Variants in THADA observed in about 807,000 individuals in gnomAD.
THADA encodes the protein THADA armadillo repeat containing.
THADA carries 213 observed loss-of-function variants against 219.8 expected under a neutral mutation model. The observed-to-expected ratio is 0.97, with a 90% CI of 0.87 to 1.09. The LOEUF is 1.09. Ranked by LOEUF, THADA falls within the 50% of genes least tolerant of loss-of-function variation. The pLI is 0.00. For synonymous variants in THADA, 1,018 were observed against 828.9 expected (o/e 1.23, Z -3.92); for missense variants, 2,956 against 2,311.3 (o/e 1.28, Z -5.72).
chr2:43,299,870 T>C (rs993842322), intron 31 of THADA, among the ~76,000 whole-genome samples: 8 of 134 alleles, frequency 0.06, no homozygotes, highest in Non-Finnish European at 0.11. Flanking sequence ...CTACTAAAAA[T>C]ACAAAAAATT....
intron 29 of THADA, among the ~76,000 whole-genome samples, chr2:43,370,946 C>A (rs924595755): frequency 2.0e-5 from 3 of 152,146 alleles, no homozygotes; most frequent in African/African-American, 7.2e-5. Flanking sequence ...TATTTAATTG[C>A]CAGCACTCAG....
At chr2:43,337,217 A>G (rs1666557381) in intron 30 of THADA, among the ~76,000 whole-genome samples, 2 of 152,326 alleles carry the variant, frequency 1.3e-5, no homozygotes, top group South Asian at 4.1e-4. Context: ...GACCCCTTTT[A>G]AAGAAGACAA....
At chr2:43,586,341 G>C in intron 7 of THADA, 60 bp downstream of exon 7, 1 of 1,354,354 alleles carries the variant, frequency 7.4e-7, no homozygotes, top group Non-Finnish European at 1.0e-6. Flanking sequence ...ATTTTTCTTT[G>C]TACAAAGATA....
chr2:43,391,878 C>G (rs1394310398), intron 29 of THADA: 3 of 152,318 alleles, frequency 2.0e-5, no homozygotes, highest in Non-Finnish European at 2.9e-5. Flanking sequence ...TAAGATTTTT[C>G]TCCTTTCACA....
intron 19 of THADA, among the ~76,000 whole-genome samples, chr2:43,549,650 T>A (rs192942648): frequency 1.2e-4 from 18 of 152,306 alleles, no homozygotes; most frequent in Admixed American, 1.1e-3. Context: ...ACTGCTTTTC[T>A]TAGTGTTGTC....
chr2:43,249,450 C>T (rs1234122470), intron 36 of THADA, among the ~76,000 whole-genome samples: 1 of 152,192 alleles, frequency 6.6e-6, no homozygotes, highest in Admixed American at 6.5e-5. Flanking sequence ...AAGCTTTCCC[C>T]TTCCCTGTGG....
intron 29 of THADA, among the ~76,000 whole-genome samples, chr2:43,363,815 C>A (rs1301644900): frequency 6.6e-6 from 1 of 152,182 alleles, no homozygotes; most frequent in Non-Finnish European, 1.5e-5. Context: ...AAGCCAGCCA[C>A]TCGGGAGGCT....
intron 29 of THADA, among the ~76,000 whole-genome samples, chr2:43,352,513 G>A (rs1048718636): frequency 2.6e-5 from 4 of 151,790 alleles, no homozygotes; most frequent in African/African-American, 7.3e-5. Context: ...AGCAGAGATC[G>A]CGCCACTGCA....
Position 43,432,620 on chromosome 2 carries a change from AT to A in THADA, c.3837-2319del, listed in dbSNP as rs1483044849. 5.9e-5 allele frequency among the ~76,000 whole-genome samples: 9 copies of A among 152,004 alleles called. No individual in the cohort carries two copies. The East Asian group carries it at 1.7e-3, about 29-fold the overall frequency. ...GACAGTTTCCTGAAATAATTATACC[AT>A]TTTACACTCCCAACAGTAAGGTAGA... On this transcript the variant is annotated intron_variant, in intron 26 of 37. Coordinates refer to ENST00000405975, the MANE Select transcript of THADA (RefSeq NM_022065.5).
intron 7 of THADA, among the ~76,000 whole-genome samples, chr2:43,582,748 A>G (rs980476153): frequency 4.0e-5 from 6 of 151,740 alleles, no homozygotes; most frequent in Admixed American, 2.6e-4. Context: ...TTATATTTTT[A>G]GTAGAGACAG....
chr2:43,323,529 C>G (rs1678990596), intron 30 of THADA, among the ~76,000 whole-genome samples: 2 of 152,172 alleles, frequency 1.3e-5, no homozygotes, highest in Non-Finnish European at 2.9e-5. Context: ...GAGACTGCCC[C>G]CTGCTAAAGC....
intron 1 of THADA, 70 bp from the exon 2 acceptor site, chr2:43,592,486 G>A (rs1016759953): frequency 7.5e-6 from 7 of 932,960 alleles, no homozygotes; most frequent in African/African-American, 3.3e-5. Context: ...TTTTGGCTGG[G>A]TTCATTCTTT....
chr2:43,500,375 G>A (rs1266354849), intron 24 of THADA, among the ~76,000 whole-genome samples: 1 of 152,062 alleles, frequency 6.6e-6, no homozygotes, highest in Non-Finnish European at 1.5e-5. Flanking sequence ...TACACATATG[G>A]TTTGTACACT....
intron 10 of THADA, 133 bp from the exon 11 acceptor site, chr2:43,575,160 AC>A (rs1290701888): frequency 1.4e-6 from 1 of 699,204 alleles, no homozygotes; most frequent in East Asian, 2.8e-5. Flanking sequence ...ATTTACAAGA[AC>A]AAAAAACTAC....
chr2:43,523,672 A>T (rs1692784423), intron 22 of THADA, among the ~76,000 whole-genome samples: 1 of 152,196 alleles, frequency 6.6e-6, no homozygotes, highest in Non-Finnish European at 1.5e-5. Flanking sequence ...GATGTCTATG[A>T]GTCAGTACTA....
chr2:43,423,676 C>T (rs908760986), intron 28 of THADA, among the ~76,000 whole-genome samples: 5 of 152,112 alleles, frequency 3.3e-5, no homozygotes, highest in African/African-American at 1.2e-4. Flanking sequence ...TGGTGATCCG[C>T]CCGCCTCGGC....
Position 43,586,980 on chromosome 2 carries a change from A to C in THADA, c.325T>G (p.Phe109Val), listed in dbSNP as rs985298678. The C allele has an allele frequency of 3.1e-6, 5 of 1,613,558 alleles. No homozygotes were observed. The highest frequency in any genetic ancestry group is 3.4e-6 in the Non-Finnish European group (4 of 1,179,738). The stretch of plus-strand genomic sequence containing the variant: ...CGGTGCATAGCCTCAGGTAGAAAAA[A>C]ATCAGGCAGGCTATTTAGTGAGCTA... Reference protein sequence around the residue: ...LASSLNSLPDFFLPEAMHRFT... With the variant: ...LASSLNSLPDVFLPEAMHRFT... Residue 109 changes from phenylalanine (F) to valine (V), a missense_variant, in exon 5 of 38, where the codon TTT becomes GTT. Phe to Val is a conservative substitution (Grantham distance 50, BLOSUM62 -1). Coordinates refer to ENST00000405975, the MANE Select transcript of THADA (RefSeq NM_022065.5).
rs1167341390 is a variant in THADA, at chr2:43,521,672, T to C, written c.3374+6207A>G. Among the ~76,000 whole-genome samples the C allele has an allele frequency of 2.0e-5, 3 of 152,252 alleles. No homozygotes were observed. The East Asian group carries it at 5.8e-4, about 29-fold the overall frequency. ...AGGCTATAGCTGCTATTCAGGCCTT[T>C]GTATTGTCTTGAGCAGATCACTGAA... On this transcript the variant is annotated intron_variant, in intron 22 of 37. Coordinates refer to ENST00000405975, the MANE Select transcript of THADA (RefSeq NM_022065.5).
At chr2:43,410,077 T>C (rs1676091689) in intron 28 of THADA, among the ~76,000 whole-genome samples, 1 of 148,204 alleles carries the variant, frequency 6.7e-6, no homozygotes, top group Non-Finnish European at 1.5e-5. Flanking sequence ...AACAGAAAAA[T>C]TGGGTCAAAG....
Sources: allele counts gnomAD v4.1 joint callset (sites outside exome capture counted in the v4.1 genomes callset), GRCh38; gene constraint gnomAD v4.1.1; transcripts MANE v1.5; gene names NCBI Gene and HGNC (gene_info 2026-07-23, HGNC 2026-07-21).